The following SMYD3 variants were observed in gnomAD, a reference collection of about 807,000 sequenced individuals.
SMYD3 encodes the protein SET and MYND domain containing 3, also known as histone-lysine N-methyltransferase SMYD3.
SMYD3 carries 36 observed loss-of-function variants against 57.7 expected under a neutral mutation model. That is an observed-to-expected ratio of 0.62 (90% CI 0.48 to 0.82). The LOEUF (loss-of-function observed/expected upper bound fraction) is 0.82, where lower values mean the gene tolerates loss of function less well. Among genes scored for constraint, SMYD3 ranks in the 40% least tolerant of loss-of-function variants. The pLI, the probability that SMYD3 is intolerant of heterozygous loss-of-function variation, is 0.00. For synonymous variants in SMYD3, 211 were observed against 195.0 expected (o/e 1.08, Z -0.68); for missense variants, 515 against 538.8 (o/e 0.96, Z 0.44).
At chr1:246,305,041 C>T (rs758857915) in intron 5 of SMYD3, among the ~76,000 whole-genome samples, 7 of 152,250 alleles carry the variant, frequency 4.6e-5, no homozygotes, top group East Asian at 1.9e-4. Flanking sequence ...AATTCTCATA[C>T]GATTACTTGG....
intron 8 of SMYD3, among the ~76,000 whole-genome samples, chr1:245,884,320 A>C (rs935797567): frequency 6.6e-6 from 1 of 152,172 alleles, no homozygotes; most frequent in African/African-American, 2.4e-5. Flanking sequence ...CAGACACACA[A>C]AGTGATTTTG....
At chr1:245,769,200 G>T (rs567310717) in intron 10 of SMYD3, among the ~76,000 whole-genome samples, 1 of 152,164 alleles carries the variant, frequency 6.6e-6, no homozygotes, top group Non-Finnish European at 1.5e-5. Flanking sequence ...GGATGGTAAA[G>T]AATTTTACAG....
At chr1:245,815,054 T>G (rs969856821) in intron 10 of SMYD3, among the ~76,000 whole-genome samples, 3 of 152,142 alleles carry the variant, frequency 2.0e-5, no homozygotes, top group African/African-American at 4.8e-5. Context: ...AGCAGGACAA[T>G]GGTCTTGATC....
intron 5 of SMYD3, among the ~76,000 whole-genome samples, chr1:246,126,023 T>C (rs982576382): frequency 6.6e-6 from 1 of 152,188 alleles, no homozygotes; most frequent in African/African-American, 2.4e-5. Flanking sequence ...CATTTCAGTA[T>C]CCCCAGAAGC....
At position 246,424,175 on chromosome 1, in the gene SMYD3, T is replaced by C. The variant is rs73132651; in HGVS notation, c.165-69081A>G. ...TTATAACACGTACAAGTAAAATGCA[T>C]GATAAAATAGCACAGAAAATAGGAG... is the stretch of plus-strand genomic sequence containing the variant. On this transcript the variant is annotated intron_variant, in intron 1 of 11. Coordinates refer to ENST00000490107, the MANE Select transcript of SMYD3 (RefSeq NM_001167740.2). 1.9e-3 allele frequency among the ~76,000 whole-genome samples: 290 copies of C among 152,230 alleles called. 2 individuals are homozygous for C. Among genetic ancestry groups the C allele is most frequent in the African/African-American group, 6.9e-3 (286 of 41,550 alleles).
intron 5 of SMYD3, among the ~76,000 whole-genome samples, chr1:246,132,715 A>G (rs2061605779): frequency 6.6e-6 from 1 of 152,176 alleles, no homozygotes; most frequent in Non-Finnish European, 1.5e-5. Context: ...ATGGGAGAAA[A>G]TACTTGCAAA....
chr1:246,268,382 T>C (rs2064151502), intron 5 of SMYD3, among the ~76,000 whole-genome samples: 1 of 152,048 alleles, frequency 6.6e-6, no homozygotes, highest in Admixed American at 6.5e-5. Context: ...GCATGAATAA[T>C]CCACCCCTTG....
intron 8 of SMYD3, among the ~76,000 whole-genome samples, chr1:245,895,947 A>G (rs2053752113): frequency 6.6e-6 from 1 of 152,238 alleles, no homozygotes; most frequent in Non-Finnish European, 1.5e-5. Flanking sequence ...ACATTGCTTT[A>G]TATTTACAGA....
intron 1 of SMYD3, among the ~76,000 whole-genome samples, chr1:246,381,965 T>A (rs1003091398): frequency 6.9e-6 from 1 of 144,346 alleles, no homozygotes; most frequent in African/African-American, 2.6e-5. Context: ...AGCTGACACC[T>A]ATGGGATCCA....
At chr1:245,839,004 C>T (rs995861530) in intron 10 of SMYD3, among the ~76,000 whole-genome samples, 7 of 152,138 alleles carry the variant, frequency 4.6e-5, no homozygotes, top group Non-Finnish European at 8.8e-5. Flanking sequence ...TGCTCGTCTG[C>T]AGCACTAGCC....
chr1:246,058,901 C>T (rs1157900076), intron 5 of SMYD3, among the ~76,000 whole-genome samples: 1 of 145,226 alleles, frequency 6.9e-6, no homozygotes, highest in South Asian at 2.1e-4. Context: ...TTTTTTGAGA[C>T]GGAGTCTCTG....
At chr1:246,300,446 T>C (rs1328849852) in intron 5 of SMYD3, among the ~76,000 whole-genome samples, 1 of 152,158 alleles carries the variant, frequency 6.6e-6, no homozygotes, top group Non-Finnish European at 1.5e-5. Flanking sequence ...ATACCCAAAA[T>C]TGCCTTCTTA....
intron 5 of SMYD3, among the ~76,000 whole-genome samples, chr1:246,133,342 A>G (rs1411735781): frequency 1.3e-5 from 2 of 152,074 alleles, no homozygotes; most frequent in African/African-American, 2.4e-5. Flanking sequence ...GAAAACATCT[A>G]TTGGTCCAAT....
intron 5 of SMYD3, among the ~76,000 whole-genome samples, chr1:246,059,614 G>A (rs1165019282): frequency 6.6e-6 from 1 of 152,090 alleles, no homozygotes; most frequent in Non-Finnish European, 1.5e-5. Flanking sequence ...TTGAGGCTGA[G>A]GAACAGATGG....
At chr1:246,282,837 G>A (rs1479097345) in intron 5 of SMYD3, among the ~76,000 whole-genome samples, 2 of 152,178 alleles carry the variant, frequency 1.3e-5, no homozygotes, top group Non-Finnish European at 2.9e-5. Flanking sequence ...ACTAGAAAAT[G>A]TAATAAATCA....
chr1:245,908,110 T>C (rs2054703823), intron 8 of SMYD3, among the ~76,000 whole-genome samples: 1 of 151,622 alleles, frequency 6.6e-6, no homozygotes, highest in African/African-American at 2.4e-5. Context: ...CACTCCAACG[T>C]GGTGATAGAG....
At chr1:246,190,726 A>C (rs1213832956) in intron 5 of SMYD3, among the ~76,000 whole-genome samples, 1 of 152,108 alleles carries the variant, frequency 6.6e-6, no homozygotes, top group Non-Finnish European at 1.5e-5. Flanking sequence ...CACACACAAA[A>C]AGCCAACACT....
chr1:246,361,314 T>C (rs2065983282), intron 1 of SMYD3, among the ~76,000 whole-genome samples: 1 of 152,118 alleles, frequency 6.6e-6, no homozygotes, highest in South Asian at 2.1e-4. Context: ...TAGGCACAGA[T>C]GCAGTGAAAA....
At chr1:245,937,674 T>C (rs2057039899) in intron 5 of SMYD3, among the ~76,000 whole-genome samples, 1 of 152,238 alleles carries the variant, frequency 6.6e-6, no homozygotes, top group African/African-American at 2.4e-5. Flanking sequence ...ACCAATTTCA[T>C]TTAGATGTGC....
Sources: allele counts gnomAD v4.1 joint callset (sites outside exome capture counted in the v4.1 genomes callset), GRCh38; gene constraint gnomAD v4.1.1; transcripts MANE v1.5; gene names NCBI Gene and HGNC (gene_info 2026-07-23, HGNC 2026-07-21).